Variants in SDK1 observed in about 807,000 individuals in gnomAD.
SDK1 encodes the protein protein sidekick-1.
SDK1 carries 157 observed loss-of-function variants against 245.5 expected under a neutral mutation model. The observed-to-expected ratio is 0.64, with a 90% CI of 0.56 to 0.73. SDK1 has a LOEUF of 0.73. SDK1 is among the 30% of genes least tolerant of loss of function. The pLI, the probability that SDK1 is intolerant of heterozygous loss-of-function variation, is 0.00. For missense variants in SDK1, 3,583 were observed against 3,002.3 expected, an observed-to-expected ratio of 1.19 and a Z score of -4.52; for synonymous variants, 1,647 against 1,278.5, an observed-to-expected ratio of 1.29 and a Z score of -6.15.
intron 1 of SDK1, among the ~76,000 whole-genome samples, chr7:3,367,663 G>T (rs541172276): frequency 3.3e-5 from 5 of 152,148 alleles, no homozygotes; most frequent in Non-Finnish European, 7.4e-5. Context: ...AGCTGAGTTG[G>T]AGTCTAGACC....
At chr7:3,510,375 A>C (rs1241847282) in intron 1 of SDK1, among the ~76,000 whole-genome samples, 5 of 152,160 alleles carry the variant, frequency 3.3e-5, no homozygotes, top group Admixed American at 1.3e-4. Flanking sequence ...GGCTGCTCCA[A>C]GTTTTTTAGT....
Position 4,091,268 on chromosome 7 carries a change from G to T in SDK1, c.3324+11684G>T, listed in dbSNP as rs78615832. Among the ~76,000 whole-genome samples, 783 of 151,612 alleles carry T rather than the reference G, an allele frequency of 5.2e-3. 2 individuals are homozygous for T. Among genetic ancestry groups the T allele is most frequent in the African/African-American group, 0.013 (526 of 41,210 alleles). ...ATCTACAAAGGCAATGATCCTTACT[G>T]GGGCATTCTGTCTCACAGTGAGTGC... On this transcript the variant is annotated intron_variant, in intron 22 of 44. Transcript: ENST00000404826.
rs113863425 is a variant in SDK1, at chr7:4,081,132, G to A, written c.3324+1548G>A. Among the ~76,000 whole-genome samples the A allele has an allele frequency of 1.3e-3, 194 of 152,322 alleles. 2 individuals are homozygous for A. The highest frequency in any genetic ancestry group is 4.4e-3 in the African/African-American group (185 of 41,580). Reference sequence around the variant, plus strand: ...CGCTCTCTGCAGGCTTTAGAATGTGGTGTTACGCTAGGGCTAGGCAGGCCA... The same window carrying A: ...CGCTCTCTGCAGGCTTTAGAATGTGATGTTACGCTAGGGCTAGGCAGGCCA... On this transcript the variant is annotated intron_variant, in intron 22 of 44. Transcript: ENST00000404826.
At chr7:3,911,065 C>T (rs1473227180) in intron 5 of SDK1, among the ~76,000 whole-genome samples, 1 of 152,164 alleles carries the variant, frequency 6.6e-6, no homozygotes, top group Non-Finnish European at 1.5e-5. Context: ...GGTCAGCTCT[C>T]CATTTTGGGG....
At chr7:3,522,472 C>T (rs1782972167) in intron 1 of SDK1, among the ~76,000 whole-genome samples, 1 of 152,152 alleles carries the variant, frequency 6.6e-6, no homozygotes, top group Non-Finnish European at 1.5e-5. Context: ...AACTCACGTA[C>T]ATGGCATAAA....
At chr7:3,413,904 T>G (rs914072896) in intron 1 of SDK1, among the ~76,000 whole-genome samples, 3 of 152,088 alleles carry the variant, frequency 2.0e-5, no homozygotes, top group Non-Finnish European at 4.4e-5. Flanking sequence ...GCCCAGGAGT[T>G]CAAAGTTGCA....
At chr7:3,993,928 A>G (rs1188729264) in intron 14 of SDK1, among the ~76,000 whole-genome samples, 1 of 152,184 alleles carries the variant, frequency 6.6e-6, no homozygotes, top group East Asian at 1.9e-4. Context: ...CTCTGCAAGC[A>G]ATGCTCTTGA....
chr7:3,914,395 A>G (rs966897862), intron 5 of SDK1, among the ~76,000 whole-genome samples: 7 of 152,234 alleles, frequency 4.6e-5, no homozygotes, highest in African/African-American at 1.4e-4. Flanking sequence ...ATGTGTGTAC[A>G]TGTGCACATA....
chr7:3,936,128 G>A (rs985995905), intron 5 of SDK1, among the ~76,000 whole-genome samples: 1 of 152,172 alleles, frequency 6.6e-6, no homozygotes, highest in African/African-American at 2.4e-5. Flanking sequence ...AGTGAATTAA[G>A]GCAGTCAGCA....
In SDK1 at chr7:4,026,219, C is replaced by A. The variant is rs10263157; in HGVS notation, c.2602+8867C>A. On this transcript the variant is annotated intron_variant, in intron 17 of 44. Coordinates refer to ENST00000404826, the MANE Select transcript of SDK1 (RefSeq NM_152744.4). This position sits in a 1 kb window ranked among gnomAD's most constrained non-coding sequence, Gnocchi z 4.1. ...ACCACAAACATGCAATTTTCAGATG[C>A]GGAGAATGCAGAGACAGGGCATGGG... Among the ~76,000 whole-genome samples the A allele has an allele frequency of 7.9e-3, 1,208 of 152,210 alleles. 18 individuals are homozygous for A. Among genetic ancestry groups the A allele is most frequent in the African/African-American group, 0.028 (1,144 of 41,526 alleles).
chr7:3,673,877 T>C (rs1215757702), intron 4 of SDK1, among the ~76,000 whole-genome samples: 4 of 152,210 alleles, frequency 2.6e-5, no homozygotes, highest in African/African-American at 9.6e-5. Flanking sequence ...GAGATTATTA[T>C]TGATGAACTG....
chr7:3,417,447 C>A (rs909343614), intron 1 of SDK1, among the ~76,000 whole-genome samples: 2 of 152,056 alleles, frequency 1.3e-5, no homozygotes, highest in African/African-American at 4.8e-5. Flanking sequence ...TGCTAACTTT[C>A]TCTTTTTTTT....
intron 4 of SDK1, among the ~76,000 whole-genome samples, chr7:3,788,410 A>G (rs757691638): frequency 6.6e-6 from 1 of 152,144 alleles, no homozygotes; most frequent in Non-Finnish European, 1.5e-5. Context: ...GTCTGTGCAG[A>G]GGGGATAAGG....
intron 35 of SDK1, among the ~76,000 whole-genome samples, chr7:4,200,871 G>C (rs973882473): frequency 1.3e-5 from 2 of 152,228 alleles, no homozygotes; most frequent in African/African-American, 4.8e-5. Context: ...CCCATTACCT[G>C]TTCTTGTAAA....
intron 25 of SDK1, among the ~76,000 whole-genome samples, chr7:4,116,230 G>A (rs1783700382): frequency 6.6e-6 from 1 of 152,182 alleles, no homozygotes; most frequent in Admixed American, 6.5e-5. Context: ...TGGAGCCCTG[G>A]GCGGTGCCAC....
intron 35 of SDK1, among the ~76,000 whole-genome samples, chr7:4,195,123 C>T (rs1304329499): frequency 6.6e-6 from 1 of 152,150 alleles, no homozygotes; most frequent in East Asian, 1.9e-4. Context: ...ATTTATGGAG[C>T]ACAAAGTAAT....
chr7:3,866,099 T>G (rs967122367), intron 5 of SDK1, among the ~76,000 whole-genome samples: 1 of 152,214 alleles, frequency 6.6e-6, no homozygotes, highest in Non-Finnish European at 1.5e-5. Context: ...AGTTGACTTT[T>G]TAGCTATTTT....
At chr7:4,129,831 G>T (rs866479564) in intron 26 of SDK1, 77 bp from the exon 27 acceptor site, 2 of 1,582,410 alleles carry the variant, frequency 1.3e-6, no homozygotes, top group African/African-American at 1.3e-5. Flanking sequence ...GATTCACGAA[G>T]GGGGCCTGCC....
intron 27 of SDK1, 67 bp downstream of exon 27, chr7:4,130,164 A>ATCCAAATTG: frequency 7.0e-7 from 1 of 1,425,942 alleles, no homozygotes; most frequent in Non-Finnish European, 9.5e-7. Context: ...AATGCAAACA[A>ATCCAAATTG]TTTGGATTGT....
Sources: allele counts gnomAD v4.1 joint callset (sites outside exome capture counted in the v4.1 genomes callset), GRCh38; gene constraint gnomAD v4.1.1; non-coding constraint Gnocchi (gnomAD v3.1); transcripts MANE v1.5; gene names NCBI Gene and HGNC (gene_info 2026-07-23, HGNC 2026-07-21).